Variants in DPYSL5 observed in about 807,000 individuals in gnomAD.
DPYSL5 encodes dihydropyrimidinase like 5.
A neutral mutation model predicts 58.4 loss-of-function variants in DPYSL5; 9 were observed. That is an observed-to-expected ratio of 0.15 (90% CI 0.09 to 0.27). The LOEUF (loss-of-function observed/expected upper bound fraction) is 0.27, where lower values mean the gene tolerates loss of function less well. Ranked by LOEUF, DPYSL5 falls within the 10% of genes least tolerant of loss-of-function variation. DPYSL5 has a pLI of 1.00. For synonymous variants in DPYSL5, 293 were observed against 301.9 expected (o/e 0.97, Z 0.31); for missense variants, 499 against 770.6 (o/e 0.65, Z 4.17).
intron 1 of DPYSL5, among the ~76,000 whole-genome samples, chr2:26,885,215 TA>T (rs199980878): frequency 3.3e-5 from 5 of 150,560 alleles, no homozygotes; most frequent in East Asian, 3.9e-4. Flanking sequence ...CAAAACAAAA[TA>T]AAAAAAAACC....
intron 12 of DPYSL5, among the ~76,000 whole-genome samples, chr2:26,945,055 T>G (rs1234343090): frequency 6.6e-6 from 1 of 152,158 alleles, no homozygotes; most frequent in African/African-American, 2.4e-5. Context: ...CACCTGGGGC[T>G]CTGCTCGGGG....
intron 6 of DPYSL5, 90 bp downstream of exon 6, chr2:26,931,774 G>A (rs888749575): frequency 2.2e-5 from 30 of 1,354,724 alleles, no homozygotes; most frequent in African/African-American, 8.6e-5. Context: ...TTGGGAGGCC[G>A]AGGTGCGTGG....
In DPYSL5 at chr2:26,944,763, C is replaced by T. The variant is rs752734155; in HGVS notation, c.1548C>T (p.Thr516=). 3.7e-6 allele frequency: 6 copies of T among 1,614,028 alleles called. No homozygotes were observed. The highest frequency in any genetic ancestry group is 1.7e-5 in the Admixed American group (1 of 59,992). ...GAACCCCACTCGCAGACACTCCTAC[C>T]CGGCCCGTCACCCGGCATGGGGGCA... ...EMGTPLADTP[T]RPVTRHGGMR... is the part of the protein sequence containing the mutation. The change falls in exon 12 of 13, where the codon ACC becomes ACT. Residue 516 remains threonine, a synonymous_variant. Coordinates refer to ENST00000288699, the MANE Select transcript of DPYSL5 (RefSeq NM_020134.4). This position sits in a 1 kb window ranked among gnomAD's most constrained non-coding sequence, Gnocchi z 4.4.
At chr2:26,926,707 C>G (rs777973056) in intron 3 of DPYSL5, among the ~76,000 whole-genome samples, 2 of 152,192 alleles carry the variant, frequency 1.3e-5, no homozygotes, top group Non-Finnish European at 2.9e-5. Flanking sequence ...ACTTAATATT[C>G]TACCAAGTGG....
At chr2:26,915,576 C>T (rs992023102) in intron 2 of DPYSL5, among the ~76,000 whole-genome samples, 1 of 152,098 alleles carries the variant, frequency 6.6e-6, no homozygotes, top group South Asian at 2.1e-4. Context: ...CTTTCTGTGC[C>T]CCAGCTCCTG....
chr2:26,860,975 T>C (rs1474971622), intron 1 of DPYSL5, among the ~76,000 whole-genome samples: 1 of 152,220 alleles, frequency 6.6e-6, no homozygotes, highest in Non-Finnish European at 1.5e-5. Flanking sequence ...ATGTTTTACC[T>C]GTCTAAACAG....
intron 1 of DPYSL5, among the ~76,000 whole-genome samples, chr2:26,858,012 C>G (rs192456729): frequency 2.0e-4 from 30 of 152,236 alleles, no homozygotes; most frequent in Non-Finnish European, 4.0e-4. Context: ...GCCAGAGGAG[C>G]CTGCCAAGGC....
At chr2:26,858,774 A>C (rs951149399) in intron 1 of DPYSL5, among the ~76,000 whole-genome samples, 1 of 143,238 alleles carries the variant, frequency 7.0e-6, no homozygotes, top group East Asian at 2.1e-4. Flanking sequence ...GGGTCTCCCT[A>C]TGTTGCCCAG....
intron 1 of DPYSL5, among the ~76,000 whole-genome samples, chr2:26,864,222 G>T (rs1666087273): frequency 6.6e-6 from 1 of 152,214 alleles, no homozygotes. Flanking sequence ...TCCAGCCTGG[G>T]CAATGAATCC....
chr2:26,879,740 C>T (rs1663508984), intron 1 of DPYSL5, among the ~76,000 whole-genome samples: 1 of 152,170 alleles, frequency 6.6e-6, no homozygotes, highest in East Asian at 1.9e-4. Flanking sequence ...CATCTTCCAA[C>T]TGATCTAAAG....
rs140886754 is a variant in DPYSL5 at position 26,856,325 on chromosome 2, A to G, written c.-5+8071A>G. ...TCTAGTTACTTAGTATTCTTCCTCC[A>G]TATCCTGACTGCTTATACACAGATC... On this transcript the variant is annotated intron_variant, in intron 1 of 12. Transcript: ENST00000288699. Among the ~76,000 whole-genome samples the G allele has an allele frequency of 3.6e-3, 549 of 152,316 alleles. 2 individuals carry two copies. Among genetic ancestry groups the G allele is most frequent in the Middle Eastern group, 6.8e-3 (2 of 294 alleles).
chr2:26,898,867 C>A lies in DPYSL5; in HGVS notation c.261+107C>A. The A allele has an allele frequency of 7.2e-7, 1 of 1,392,914 alleles. No homozygotes were observed. Among genetic ancestry groups the A allele is most frequent in the Non-Finnish European group, 9.7e-7 (1 of 1,030,998 alleles). 86.3% of individuals were successfully genotyped at this position (1,392,914 alleles called of 1,614,324 possible). ...TGAGCCAGGTGCTCCCAGTGTATTG[C>A]TGGCAGGAGAAGGGTGTGTCAGGGC... On this transcript the variant is annotated intron_variant, in intron 2 of 12. Coordinates refer to ENST00000288699, the MANE Select transcript of DPYSL5 (RefSeq NM_020134.4). This position sits in a 1 kb window ranked among gnomAD's most constrained non-coding sequence, Gnocchi z 6.1.
chr2:26,940,874 G>T lies in DPYSL5; in HGVS notation c.1089+702G>T, dbSNP rs527705900. Among the ~76,000 whole-genome samples the T allele has an allele frequency of 2.6e-4, 40 of 151,352 alleles. 1 individual carries two copies. Among genetic ancestry groups the T allele is most frequent in the Admixed American group, 7.2e-4 (11 of 15,220 alleles). On this transcript the variant is annotated intron_variant, in intron 9 of 12. Transcript: ENST00000288699. ...AATTTTTGCACTTACAAATAATGCT[G>T]AGGAGAACCTCTTTGTTCAGGAGTG...
At chr2:26,864,902 T>G (rs1325037340) in intron 1 of DPYSL5, among the ~76,000 whole-genome samples, 1 of 151,810 alleles carries the variant, frequency 6.6e-6, no homozygotes, top group Non-Finnish European at 1.5e-5. Flanking sequence ...CTGAGGGGAG[T>G]CCAAGGCTGC....
At chr2:26,887,372 A>C (rs1467060643) in intron 1 of DPYSL5, among the ~76,000 whole-genome samples, 1 of 152,194 alleles carries the variant, frequency 6.6e-6, no homozygotes, top group Non-Finnish European at 1.5e-5. Flanking sequence ...CCTCCAGCTG[A>C]GTTGTTGGCA....
Position 26,849,360 on chromosome 2 carries a change from C to T in DPYSL5, c.-5+1106C>T, listed in dbSNP as rs1665687664. On this transcript the variant is annotated intron_variant, in intron 1 of 12. Coordinates refer to ENST00000288699, the MANE Select transcript of DPYSL5 (RefSeq NM_020134.4). The surrounding 1 kb of genome is among the most constrained non-coding windows in gnomAD (Gnocchi z 6.2). ...AGCCTCCCGAGGAGGGAGGGGCAAG[C>T]AGCTGAGAGGCGGTCTCGGGCCCGA... 6.6e-6 allele frequency among the ~76,000 whole-genome samples: 1 copy of T among 151,896 alleles called. No individual in the cohort carries two copies. Among genetic ancestry groups the T allele is most frequent in the Non-Finnish European group, 1.5e-5 (1 of 67,932 alleles).
chr2:26,946,312 A>G (rs1194618391), intron 12 of DPYSL5, among the ~76,000 whole-genome samples: 2 of 151,962 alleles, frequency 1.3e-5, no homozygotes, highest in African/African-American at 2.4e-5. Context: ...TCTCTACCCC[A>G]AATCTTGTCT....
At chr2:26,931,203 G>GTGTATATATATATATATATATA (rs1474347605) in intron 5 of DPYSL5, among the ~76,000 whole-genome samples, 28 of 44,912 alleles carry the variant, frequency 6.2e-4, no homozygotes, top group South Asian at 1.3e-3. Flanking sequence ...GTGTGTGTGT[G>GTGTATATATATATATATATATA]TATATATATA....
At chr2:26,872,309 T>TTG (rs1331964486) in intron 1 of DPYSL5, among the ~76,000 whole-genome samples, 4 of 152,204 alleles carry the variant, frequency 2.6e-5, no homozygotes, top group African/African-American at 9.7e-5. Flanking sequence ...TGAATTCTCT[T>TTG]TGTTGTGAAG....
Sources: gnomAD v4.1 joint callset for allele counts (sites outside exome capture counted in the v4.1 genomes callset) on GRCh38, gnomAD v4.1.1 for gene constraint, Gnocchi (gnomAD v3.1) non-coding constraint, MANE v1.5 for transcripts, NCBI Gene and HGNC (gene_info 2026-07-23, HGNC 2026-07-21) for gene names.